CUBN: variants seen among roughly 807,000 people sequenced by gnomAD.
CUBN encodes cubilin.
In CUBN, 282 loss-of-function variants were observed where a neutral mutation model predicts 405.3. The ratio of observed to expected loss-of-function variants is 0.70; its 90% CI spans 0.63 to 0.77. The LOEUF (loss-of-function observed/expected upper bound fraction) is 0.77. Among genes scored for constraint, CUBN ranks in the 30% least tolerant of loss-of-function variants. CUBN has a pLI of 0.00. For missense variants in CUBN, 4,514 were observed against 4,475.2 expected (o/e 1.01, Z -0.25); for synonymous variants, 1,684 against 1,617.0 (o/e 1.04, Z -0.99).
At chr10:16,870,537 C>T (rs550502228) in intron 58 of CUBN, among the ~76,000 whole-genome samples, 2 of 152,280 alleles carry the variant, frequency 1.3e-5, no homozygotes, top group East Asian at 3.9e-4. Context: ...GCTTTGACCA[C>T]AGAAATGTAA....
chr10:17,109,552 G>T, intron 10 of CUBN, 88 bp downstream of exon 10: 1 of 1,093,804 alleles, frequency 9.1e-7, no homozygotes, highest in Non-Finnish European at 1.4e-6. Context: ...ACAATTTTGA[G>T]AACAGAGGAT....
intron 59 of CUBN, among the ~76,000 whole-genome samples, chr10:16,867,632 G>C (rs2131364320): frequency 6.6e-6 from 1 of 152,292 alleles, no homozygotes. Flanking sequence ...TGAAATACAG[G>C]GGTAACACAA....
intron 65 of CUBN, among the ~76,000 whole-genome samples, chr10:16,830,156 G>T (rs554898297): frequency 2.6e-4 from 40 of 152,234 alleles, no homozygotes; most frequent in African/African-American, 9.6e-4. Flanking sequence ...CACTGGTCTG[G>T]AACTCCTGAC....
intron 15 of CUBN, among the ~76,000 whole-genome samples, chr10:17,087,771 G>A (rs568767205): frequency 2.0e-5 from 3 of 152,106 alleles, no homozygotes; most frequent in Admixed American, 6.6e-5. Flanking sequence ...CACCACACCC[G>A]GCCTCTTCGT....
intron 17 of CUBN, among the ~76,000 whole-genome samples, chr10:17,081,685 C>T (rs1835972105): frequency 6.6e-6 from 1 of 152,006 alleles, no homozygotes; most frequent in Admixed American, 6.6e-5. Flanking sequence ...ACAAATTTTC[C>T]CAATGGATAG....
intron 28 of CUBN, among the ~76,000 whole-genome samples, chr10:16,998,703 T>C (rs921442475): frequency 1.3e-5 from 2 of 152,248 alleles, no homozygotes; most frequent in African/African-American, 4.8e-5. Context: ...ACTTTCTGTA[T>C]TCCATCTTGT....
At chr10:16,906,454 G>T in intron 49 of CUBN, 45 bp from the exon 50 acceptor site, 1 of 1,327,824 alleles carries the variant, frequency 7.5e-7, no homozygotes, top group Non-Finnish European at 1.1e-6. Flanking sequence ...TAAGATTCAG[G>T]CCACAACGGA....
intron 22 of CUBN, among the ~76,000 whole-genome samples, chr10:17,053,737 G>C (rs928949418): frequency 6.6e-6 from 1 of 152,076 alleles, no homozygotes; most frequent in Non-Finnish European, 1.5e-5. Context: ...AATTGACAGA[G>C]AGCACTACAC....
chr10:16,960,947 C>T (rs749205118), intron 31 of CUBN, among the ~76,000 whole-genome samples: 5 of 152,256 alleles, frequency 3.3e-5, no homozygotes, highest in Middle Eastern at 3.4e-3. Context: ...ACATTGGACC[C>T]GTCCCCAAGG....
At chr10:16,964,088 C>G (rs542870541) in intron 31 of CUBN, among the ~76,000 whole-genome samples, 5 of 152,164 alleles carry the variant, frequency 3.3e-5, no homozygotes, top group Admixed American at 3.3e-4. Context: ...TTTGGCCAGT[C>G]TGGACAGGGA....
chr10:16,847,872 AG>A lies in CUBN; in HGVS notation c.9663+3362del, dbSNP rs1839565852. ...TTCAGTTAAATTAGCTTTTCTAAAAAGTGATTTGATTATAATCTCTAAAAAA... is the reference window on the plus strand; with the variant it reads ...TTCAGTTAAATTAGCTTTTCTAAAAATGATTTGATTATAATCTCTAAAAAA... On this transcript the variant is annotated intron_variant, in intron 60 of 66. Coordinates refer to ENST00000377833, the MANE Select transcript of CUBN (RefSeq NM_001081.4). Among the ~76,000 whole-genome samples, 5 of 151,498 alleles carry A rather than the reference AG, an allele frequency of 3.3e-5. No homozygotes were observed. In the South Asian group the frequency reaches 1.1e-3, roughly 32 times the overall value.
At chr10:17,070,565 A>G (rs1277107721) in intron 19 of CUBN, among the ~76,000 whole-genome samples, 1 of 152,152 alleles carries the variant, frequency 6.6e-6, no homozygotes, top group Admixed American at 6.6e-5. Flanking sequence ...GTCTCAGAGG[A>G]CAAGTTTTAC....
chr10:16,951,337 C>T (rs1299423764), intron 33 of CUBN, among the ~76,000 whole-genome samples: 1 of 152,180 alleles, frequency 6.6e-6, no homozygotes, highest in Non-Finnish European at 1.5e-5. Flanking sequence ...TCCTGACATC[C>T]CAGGGGAAAG....
intron 31 of CUBN, among the ~76,000 whole-genome samples, chr10:16,977,974 A>G (rs1459759587): frequency 2.6e-5 from 4 of 152,258 alleles, no homozygotes; most frequent in African/African-American, 4.8e-5. Context: ...GAATGTTAAT[A>G]TCTCTCTTTG....
chr10:17,115,440 G>A (rs1330103737), intron 7 of CUBN, 31 bp downstream of exon 7: 2 of 1,612,722 alleles, frequency 1.2e-6, no homozygotes, highest in African/African-American at 2.7e-5. Context: ...ATGGCTCTCT[G>A]CAAGGAGGCA....
intron 17 of CUBN, among the ~76,000 whole-genome samples, chr10:17,076,527 G>A (rs78860756): frequency 0.019 from 2,899 of 150,668 alleles, 41 homozygotes; most frequent in East Asian, 0.069. Flanking sequence ...CTCATGAACT[G>A]GGATGGATGG....
chr10:16,925,706 A>G lies in CUBN; in HGVS notation c.6340T>C (p.Ser2114Pro), dbSNP rs752157234. The change falls in exon 42 of 67, where the codon TCC (serine) becomes CCC (proline). Residue 2114 changes from serine to proline, a missense_variant. Ser to Pro is a moderately conservative substitution (Grantham distance 74). Transcript: ENST00000377833. ...TSPKYPETYP[S>P]NLNCSWHVLV... ...ACGTGCCAAGAACAGTTGAGGTTGG[A>G]TGGGTAAGTCTCTGGATACTTGGGG... is the stretch of plus-strand genomic sequence containing the variant. 6.8e-6 allele frequency: 11 copies of G among 1,613,924 alleles called. No individual in the cohort carries two copies. Among genetic ancestry groups the G allele is most frequent in the Admixed American group, 3.3e-5 (2 of 59,970 alleles).
chr10:17,001,251 A>T (rs1833870487), intron 28 of CUBN, among the ~76,000 whole-genome samples: 3 of 152,188 alleles, frequency 2.0e-5, no homozygotes. Flanking sequence ...ATTTATTGTG[A>T]AGAGCAAAAG....
chr10:16,903,982 TG>T lies in CUBN; in HGVS notation c.8045del (p.Ala2682GlufsTer13). 1 of 1,611,194 alleles carries T rather than the reference TG, an allele frequency of 6.2e-7. No individual in the cohort carries two copies. Among genetic ancestry groups the T allele is most frequent in the African/African-American group, 1.3e-5 (1 of 74,992 alleles). Reference sequence around the variant, plus strand: ...AATTCTTACCTGTAAAGGAATACTTTGCATGGAATCCAATGTGTTCTACACG... The same window carrying T: ...AATTCTTACCTGTAAAGGAATACTTTCATGGAATCCAATGTGTTCTACACG... The part of the protein sequence containing the change: ...NERVEHIGFH[A>X]KYSFTDCGGI... On this transcript the variant is annotated frameshift_variant, in exon 51 of 67. Transcript: ENST00000377833. LOFTEE classifies it high-confidence loss of function.
Sources: gnomAD v4.1 joint callset for allele counts (sites outside exome capture counted in the v4.1 genomes callset) on GRCh38, gnomAD v4.1.1 for gene constraint, MANE v1.5 for transcripts, NCBI Gene and HGNC (gene_info 2026-07-23, HGNC 2026-07-21) for gene names.